Variants in CSNK2A1 observed in about 807,000 individuals in gnomAD.
CSNK2A1 encodes casein kinase 2 alpha 1, also known as casein kinase II subunit alpha.
A neutral mutation model predicts 62.9 loss-of-function variants in CSNK2A1; 10 were observed. That is an observed-to-expected ratio of 0.16 (90% CI 0.10 to 0.27). CSNK2A1 has a LOEUF of 0.27. Among genes scored for constraint, CSNK2A1 ranks in the 10% least tolerant of loss-of-function variants. CSNK2A1 has a pLI of 1.00. For missense variants in CSNK2A1, 160 were observed against 492.0 expected, an observed-to-expected ratio of 0.33 and a Z score of 6.38; for synonymous variants, 124 against 167.8, an observed-to-expected ratio of 0.74 and a Z score of 2.02.
At chr20:489,030 G>A (rs1307991727) in intron 10 of CSNK2A1, 8 of 348,782 alleles carry the variant, frequency 2.3e-5, no homozygotes, top group African/African-American at 1.7e-4. Flanking sequence ...AATTGAAGAT[G>A]TCACTTCTTT....
At chr20:505,386 GTC>G (rs1439178191) in intron 3 of CSNK2A1, among the ~76,000 whole-genome samples, 157 bp from the exon 4 acceptor site, 1 of 123,652 alleles carries the variant, frequency 8.1e-6, no homozygotes, top group Non-Finnish European at 1.6e-5. Context: ...TGGAGATGGA[GTC>G]TCACTCTGTC....
At chr20:535,240 C>T (rs994790098) in intron 1 of CSNK2A1, among the ~76,000 whole-genome samples, 1 of 151,914 alleles carries the variant, frequency 6.6e-6, no homozygotes, top group Admixed American at 6.6e-5. Flanking sequence ...CTCAAGATGG[C>T]TTCACTGGAA....
rs2017884941 is a variant in CSNK2A1, at chr20:478,097, G to A, written c.*5864C>T. 6.6e-6 allele frequency: 1 copy of A among 151,934 alleles called. No individual in the cohort carries two copies. The highest frequency in any genetic ancestry group is 2.1e-4 in the South Asian group (1 of 4,822). The allele number at this position is 151,934 out of a possible 1,614,324, so 9.4% of individuals were successfully genotyped here. A position where few individuals can be genotyped will look rare whatever the true frequency, so the allele number is the denominator to read the frequency against. ...CTAATTAACATACATTTCCCCATGG[G>A]CTTGTGTCTCACCTCTCAATCCCCA... On this transcript the variant is annotated 3_prime_UTR_variant, in exon 14 of 14. Transcript: ENST00000217244.
intron 1 of CSNK2A1, among the ~76,000 whole-genome samples, chr20:530,678 T>C (rs2019194732): frequency 6.6e-6 from 1 of 152,158 alleles, no homozygotes; most frequent in African/African-American, 2.4e-5. Flanking sequence ...TTTCGCCATG[T>C]TGCCCAGGCT....
intron 4 of CSNK2A1, 69 bp downstream of exon 4, chr20:505,047 TAA>T: frequency 7.3e-7 from 1 of 1,375,006 alleles, no homozygotes; most frequent in Non-Finnish European, 9.8e-7. Context: ...AATGCTGTTT[TAA>T]AAAAGTCTTC....
At chr20:518,713 AT>A (rs10534951) in intron 2 of CSNK2A1, among the ~76,000 whole-genome samples, 29,065 of 120,748 alleles carry the variant, frequency 0.24, 4,278 homozygotes, top group African/African-American at 0.42. Context: ...CGCCCGGCTA[AT>A]TTTTTTTTTT....
intron 2 of CSNK2A1, among the ~76,000 whole-genome samples, chr20:523,741 A>G: frequency 6.6e-6 from 1 of 151,370 alleles, no homozygotes; most frequent in Non-Finnish European, 1.5e-5. Context: ...AATATAAAAA[A>G]TTAGCCGGGA....
At chr20:523,328 G>C (rs923617189) in intron 2 of CSNK2A1, among the ~76,000 whole-genome samples, 11 of 152,030 alleles carry the variant, frequency 7.2e-5, no homozygotes. Flanking sequence ...TGAAAACTTA[G>C]GTCCACAAAA....
intron 1 of CSNK2A1, among the ~76,000 whole-genome samples, chr20:530,271 T>G (rs2019186147): frequency 6.6e-6 from 1 of 152,216 alleles, no homozygotes; most frequent in Non-Finnish European, 1.5e-5. Flanking sequence ...CTCTTCCACT[T>G]AGCAAAATGT....
chr20:535,365 C>T (rs1437054387), intron 1 of CSNK2A1, among the ~76,000 whole-genome samples: 3 of 152,212 alleles, frequency 2.0e-5, no homozygotes, highest in South Asian at 4.1e-4. Flanking sequence ...TGCTTGAATA[C>T]TTAATTGCTA....
chr20:494,020 C>G (rs2018294210), intron 8 of CSNK2A1: 1 of 150,066 alleles, frequency 6.7e-6, no homozygotes, highest in African/African-American at 2.5e-5. Context: ...GGGCACTTTT[C>G]CCCATTTTTT....
chr20:534,605 A>G lies in CSNK2A1; in HGVS notation c.-226-6556T>C, dbSNP rs529795006. On this transcript the variant is annotated intron_variant, in intron 1 of 13. Coordinates refer to ENST00000217244, the MANE Select transcript of CSNK2A1 (RefSeq NM_177559.3). ...AAGTTTTGAATATGTATGAAGGTCA[A>G]TGTGATGTTTTCCAAAAACAGTCAT... 3.9e-5 allele frequency among the ~76,000 whole-genome samples: 6 copies of G among 152,312 alleles called. No homozygotes were observed. In the South Asian group the frequency reaches 1.0e-3, roughly 26 times the overall value.
chr20:526,421 G>A (rs567297241), intron 2 of CSNK2A1, among the ~76,000 whole-genome samples: 2 of 151,768 alleles, frequency 1.3e-5, no homozygotes, highest in South Asian at 4.2e-4. Context: ...GACCAGCCTG[G>A]GCAATACAGT....
intron 1 of CSNK2A1, among the ~76,000 whole-genome samples, chr20:540,388 A>G (rs188463384): frequency 3.5e-4 from 54 of 152,348 alleles, no homozygotes; most frequent in Admixed American, 2.1e-3. Context: ...GGCTTTCCAT[A>G]TAACCATAGG....
chr20:514,097 C>T (rs1373040907), intron 2 of CSNK2A1, among the ~76,000 whole-genome samples: 1 of 151,974 alleles, frequency 6.6e-6, no homozygotes, highest in Non-Finnish European at 1.5e-5. Flanking sequence ...TGGCTCATAC[C>T]TATAATCCCA....
chr20:485,104 A>ATAATAATAATAAT (rs2018059633), intron 13 of CSNK2A1, among the ~76,000 whole-genome samples: 1 of 47,224 alleles, frequency 2.1e-5, no homozygotes, highest in African/African-American at 7.7e-5. Context: ...AAAAAAAAAA[A>ATAATAATAATAAT]AAAAAATATA....
At position 490,335 on chromosome 20, in the gene CSNK2A1, C is replaced by CTTTT. The variant is rs907727482; in HGVS notation, c.622-458_622-455dup. On this transcript the variant is annotated intron_variant, in intron 9 of 13. Coordinates refer to ENST00000217244, the MANE Select transcript of CSNK2A1 (RefSeq NM_177559.3). ...ACCCACCGTGCCTGGCTAGTTTTTT[C>CTTTT]TTTTTTTTTTTTTTTTAGTTTTTTT... 2.6e-4 allele frequency among the ~76,000 whole-genome samples: 22 copies of CTTTT among 84,800 alleles called. 1 individual carries two copies. Among genetic ancestry groups the CTTTT allele is most frequent in the African/African-American group, 3.8e-4 (7 of 18,196 alleles). The allele number at this position is 84,800 out of a possible 152,430, so 55.6% of individuals were successfully genotyped here. A position where few individuals can be genotyped will look rare whatever the true frequency, so the allele number is the denominator to read the frequency against.
At position 532,228 on chromosome 20, in the gene CSNK2A1, G is replaced by A. The variant is rs374791138; in HGVS notation, c.-226-4179C>T. Among the ~76,000 whole-genome samples, 25 of 151,106 alleles carry A rather than the reference G, an allele frequency of 1.7e-4. No homozygotes were observed. In the East Asian group the frequency reaches 3.5e-3, roughly 21 times the overall value. ...CGCCAGGCCTGGAGTGCAGTGGCAC[G>A]CTCTCGGCTTACTGCAACCTCCGCC... On this transcript the variant is annotated intron_variant, in intron 1 of 13. Coordinates refer to ENST00000217244, the MANE Select transcript of CSNK2A1 (RefSeq NM_177559.3).
rs199709718 is a variant in CSNK2A1, at chr20:499,958, CAAA to C, written c.214-27_214-25del. 7.5e-3 allele frequency: 9,375 copies of C among 1,253,128 alleles called. 14 individuals carry two copies. Among genetic ancestry groups the C allele is most frequent in the African/African-American group, 0.027 (1,555 of 57,228 alleles). The allele number at this position is 1,253,128 out of a possible 1,614,324, so 77.6% of individuals were successfully genotyped here. A position where few individuals can be genotyped will look rare whatever the true frequency, so the allele number is the denominator to read the frequency against. Reference sequence around the variant, plus strand: ...GGCTGAAAGGGGAAAAGTACATCAGCAAAAAAAAAAAAAAAAAATTTTTTCAGA... The same window carrying C: ...GGCTGAAAGGGGAAAAGTACATCAGCAAAAAAAAAAAAAAATTTTTTCAGA... On this transcript the variant is annotated intron_variant, in intron 4 of 13. Transcript: ENST00000217244. This position sits in a 1 kb window ranked among gnomAD's most constrained non-coding sequence, Gnocchi z 4.2.
Sources: gnomAD v4.1 joint callset for allele counts (sites outside exome capture counted in the v4.1 genomes callset) on GRCh38, gnomAD v4.1.1 for gene constraint, Gnocchi (gnomAD v3.1) non-coding constraint, MANE v1.5 for transcripts, NCBI Gene and HGNC (gene_info 2026-07-23, HGNC 2026-07-21) for gene names.